Variants in PRIM2 observed in about 807,000 individuals in gnomAD.
The protein encoded by PRIM2 is DNA primase subunit 2, also known as DNA primase large subunit.
In PRIM2, 39 loss-of-function variants were observed where a neutral mutation model predicts 67.3. That is an observed-to-expected ratio of 0.58 (90% CI 0.45 to 0.76). The LOEUF (loss-of-function observed/expected upper bound fraction) is 0.76. PRIM2 is among the 30% of genes least tolerant of loss of function. The probability of loss-of-function intolerance (pLI) is 0.00; values close to 1 mark genes in which losing one functional copy is unlikely to be tolerated. For missense variants in PRIM2, 398 were observed against 598.7 expected (o/e 0.66, Z 3.50); for synonymous variants, 143 against 198.7 (o/e 0.72, Z 2.36).
intron 12 of PRIM2, among the ~76,000 whole-genome samples, chr6:57,613,940 C>T (rs1415438033): frequency 1.3e-5 from 2 of 152,134 alleles, no homozygotes; most frequent in Non-Finnish European, 2.9e-5. Flanking sequence ...CAACCTCTGC[C>T]TCCTGGGTTC....
intron 7 of PRIM2, among the ~76,000 whole-genome samples, chr6:57,408,533 C>T (rs2127361862): frequency 6.6e-6 from 1 of 152,188 alleles, no homozygotes; most frequent in Non-Finnish European, 1.5e-5. Context: ...TGCTTTTGTA[C>T]AATAAATAGC....
At chr6:57,244,169 C>T in the PRIM2 span, among the ~76,000 whole-genome samples, 6 of 152,214 alleles carry the variant, frequency 3.9e-5, no homozygotes, top group South Asian at 2.1e-4. Context: ...CCATATTGAC[C>T]GATCAGAACT....
At chr6:57,448,845 T>A (rs1366983745) in intron 7 of PRIM2, among the ~76,000 whole-genome samples, 1 of 152,218 alleles carries the variant, frequency 6.6e-6, no homozygotes, top group Non-Finnish European at 1.5e-5. Context: ...TGGTATCTTA[T>A]TGCCACAAAG....
At chr6:57,282,384 G>A in the PRIM2 span, among the ~76,000 whole-genome samples, 4 of 152,056 alleles carry the variant, frequency 2.6e-5, no homozygotes, top group African/African-American at 7.2e-5. Context: ...CTTTTAGTAC[G>A]TAAATTCTGT....
intron 5 of PRIM2, among the ~76,000 whole-genome samples, chr6:57,362,336 A>G (rs9367731): frequency 6.6e-5 from 10 of 152,132 alleles, no homozygotes; most frequent in South Asian, 4.1e-4. Context: ...ATAAGAGAAA[A>G]TTGCTACAAA....
At chr6:57,631,658 C>T (rs1777039358) in intron 12 of PRIM2, among the ~76,000 whole-genome samples, 1 of 152,090 alleles carries the variant, frequency 6.6e-6, no homozygotes, top group South Asian at 2.1e-4. Flanking sequence ...TTAAATTTTC[C>T]TGATGGGCAC....
At chr6:57,390,648 C>T (rs1182146845) in intron 7 of PRIM2, among the ~76,000 whole-genome samples, 1 of 152,182 alleles carries the variant, frequency 6.6e-6, no homozygotes, top group Non-Finnish European at 1.5e-5. Flanking sequence ...ATTAGGTTTT[C>T]TATTCTTGGG....
At chr6:57,471,259 G>A (rs1773330987) in intron 7 of PRIM2, among the ~76,000 whole-genome samples, 1 of 152,104 alleles carries the variant, frequency 6.6e-6, no homozygotes, top group African/African-American at 2.4e-5. Flanking sequence ...GAGAGAGATG[G>A]CTAAGGCAGA....
chr6:57,428,705 C>T (rs1345390410), intron 7 of PRIM2, among the ~76,000 whole-genome samples: 1 of 152,034 alleles, frequency 6.6e-6, no homozygotes, highest in Non-Finnish European at 1.5e-5. Flanking sequence ...CCTAGAGATT[C>T]TATGAGCTAT....
chr6:57,383,323 A>G (rs1770023832), intron 7 of PRIM2: 1 of 152,158 alleles, frequency 6.6e-6, no homozygotes. Flanking sequence ...TTTGTGTGAA[A>G]TAGACAAATA....
chr6:57,322,451 G>T (rs1243292652), intron 3 of PRIM2, among the ~76,000 whole-genome samples: 3 of 152,072 alleles, frequency 2.0e-5, no homozygotes, highest in Non-Finnish European at 2.9e-5. Context: ...GGAGGTAATT[G>T]AATCATGGGG....
At position 57,496,881 on chromosome 6, in the gene PRIM2, A is replaced by C. The variant is rs1295587873; in HGVS notation, c.694-10506A>C. Among the ~76,000 whole-genome samples, 587 of 152,244 alleles carry C rather than the reference A, an allele frequency of 3.9e-3. 3 individuals carry two copies. The highest frequency in any genetic ancestry group is 0.013 in the African/African-American group (551 of 41,572). On this transcript the variant is annotated intron_variant, in intron 7 of 13. Coordinates refer to ENST00000615550, the MANE Select transcript of PRIM2 (RefSeq NM_000947.5). ...TCTCTGAACAGTGGTAGTCACATGA[A>C]ATGACACAGTGAAAAGATCCAGAAT... is the stretch of plus-strand genomic sequence containing the variant.
At chr6:57,442,951 C>G (rs977378370) in intron 7 of PRIM2, among the ~76,000 whole-genome samples, 6 of 152,114 alleles carry the variant, frequency 3.9e-5, no homozygotes, top group Non-Finnish European at 8.8e-5. Context: ...CTCCCCCAGC[C>G]TCTGTAACTA....
chr6:57,584,158 A>G (rs1227987276), intron 10 of PRIM2, among the ~76,000 whole-genome samples: 1 of 152,242 alleles, frequency 6.6e-6, no homozygotes, highest in African/African-American at 2.4e-5. Context: ...TGAATATAAT[A>G]GATATAGTTA....
intron 10 of PRIM2, among the ~76,000 whole-genome samples, chr6:57,574,237 G>T (rs1473346431): frequency 6.6e-6 from 1 of 152,250 alleles, no homozygotes; most frequent in Non-Finnish European, 1.5e-5. Flanking sequence ...GCATGAGCCA[G>T]CCCTTCATTT....
At chr6:57,365,919 C>T (rs1364905593) in intron 5 of PRIM2, among the ~76,000 whole-genome samples, 3 of 119,172 alleles carry the variant, frequency 2.5e-5, no homozygotes, top group South Asian at 2.7e-4. Context: ...TGAGCTGTTC[C>T]AGCCTGAGCA....
chr6:57,489,902 CAGG>C (rs1385317587), intron 7 of PRIM2, among the ~76,000 whole-genome samples: 3 of 149,774 alleles, frequency 2.0e-5, no homozygotes, highest in Non-Finnish European at 4.4e-5. Context: ...AGGCATCAAT[CAGG>C]AGAAGCAAAA....
chr6:57,620,561 G>T (rs1389386604), intron 12 of PRIM2, among the ~76,000 whole-genome samples: 5 of 152,204 alleles, frequency 3.3e-5, no homozygotes, highest in South Asian at 4.1e-4. Flanking sequence ...ACTGCTAAAA[G>T]GAGCTCTAAA....
chr6:57,335,288 GGC>G, intron 5 of PRIM2, among the ~76,000 whole-genome samples: 1 of 152,396 alleles, frequency 6.6e-6, no homozygotes, highest in Non-Finnish European at 1.5e-5. Flanking sequence ...CTGGGGGAGG[GGC>G]GCCCGCCATT....
Sources: allele counts gnomAD v4.1 joint callset (sites outside exome capture counted in the v4.1 genomes callset), GRCh38; gene constraint gnomAD v4.1.1; transcripts MANE v1.5; gene names NCBI Gene and HGNC (gene_info 2026-07-23, HGNC 2026-07-21).